Variants in N4BP2 observed in about 807,000 individuals in gnomAD.
N4BP2 encodes NEDD4 binding protein 2.
A neutral mutation model predicts 152.8 loss-of-function variants in N4BP2; 91 were observed. That is an observed-to-expected ratio of 0.60 (90% CI 0.50 to 0.71). The LOEUF (loss-of-function observed/expected upper bound fraction) is 0.71. Among genes scored for constraint, N4BP2 ranks in the 30% least tolerant of loss-of-function variants. The pLI is 0.00. For missense variants in N4BP2, 1,923 were observed against 2,059.1 expected (o/e 0.93, Z 1.28); for synonymous variants, 646 against 705.3 (o/e 0.92, Z 1.33).
intron 16 of N4BP2, among the ~76,000 whole-genome samples, chr4:40,151,745 A>G (rs1721172506): frequency 6.6e-6 from 1 of 152,248 alleles, no homozygotes; most frequent in African/African-American, 2.4e-5. Context: ...ATTTTGAGCA[A>G]CATATTGCTT....
intron 5 of N4BP2, among the ~76,000 whole-genome samples, chr4:40,110,509 C>G (rs1716767389): frequency 6.6e-6 from 1 of 152,090 alleles, no homozygotes; most frequent in East Asian, 1.9e-4. Flanking sequence ...TGTGGAACAT[C>G]TTTTTGTGTG....
At chr4:40,136,343 A>AATCTATCT (rs56276709) in intron 13 of N4BP2, among the ~76,000 whole-genome samples, 8,844 of 136,668 alleles carry the variant, frequency 0.065, 331 homozygotes, top group Admixed American at 0.072. Flanking sequence ...TTAGAAATTG[A>AATCTATCT]ATCTATCTAT....
the N4BP2 span, among the ~76,000 whole-genome samples, chr4:40,188,673 A>T: frequency 1.5e-5 from 2 of 137,280 alleles, no homozygotes; most frequent in African/African-American, 5.5e-5. Flanking sequence ...TGAGCCTGGG[A>T]GGCGCAGGTT....
intron 7 of N4BP2, among the ~76,000 whole-genome samples, chr4:40,116,547 C>T (rs559152265): frequency 4.9e-4 from 74 of 152,286 alleles, no homozygotes; most frequent in Non-Finnish European, 8.1e-4. Context: ...TTCCTCCTCA[C>T]GCATACGAAG....
chr4:40,114,472 T>C (rs1717178531), intron 7 of N4BP2, among the ~76,000 whole-genome samples: 1 of 152,230 alleles, frequency 6.6e-6, no homozygotes, highest in Non-Finnish European at 1.5e-5. Context: ...AAATGGAACA[T>C]ACAATATGTG....
chr4:40,186,736 T>C, the N4BP2 span, among the ~76,000 whole-genome samples: 2 of 152,250 alleles, frequency 1.3e-5, no homozygotes, highest in Non-Finnish European at 2.9e-5. Context: ...TGATATTGTC[T>C]GCTTCCTAGG....
At chr4:40,152,468 T>A (rs909421009) in intron 16 of N4BP2, among the ~76,000 whole-genome samples, 8 of 152,226 alleles carry the variant, frequency 5.3e-5, no homozygotes, top group Admixed American at 1.3e-4. Flanking sequence ...ATGGTATTAT[T>A]GCCATTATCA....
chr4:40,136,885 T>C (rs1317392948), intron 13 of N4BP2, 59 bp from the exon 14 acceptor site: 2 of 1,271,954 alleles, frequency 1.6e-6, no homozygotes, highest in Non-Finnish European at 2.2e-6. Context: ...CTTGTGTTAA[T>C]GTCCCACACA....
chr4:40,065,719 A>G (rs1175693769), intron 1 of N4BP2, among the ~76,000 whole-genome samples: 1 of 152,186 alleles, frequency 6.6e-6, no homozygotes, highest in Non-Finnish European at 1.5e-5. Context: ...CAGAGAAAAT[A>G]AAATTTTTAG....
chr4:40,097,821 C>G (rs1429553014), intron 3 of N4BP2, among the ~76,000 whole-genome samples: 1 of 152,210 alleles, frequency 6.6e-6, no homozygotes, highest in Non-Finnish European at 1.5e-5. Flanking sequence ...CATATTCTGT[C>G]TCTTTCATCT....
At chr4:40,140,041 C>G (rs1719773708) in intron 14 of N4BP2, among the ~76,000 whole-genome samples, 2 of 151,900 alleles carry the variant, frequency 1.3e-5, no homozygotes, top group Admixed American at 1.3e-4. Flanking sequence ...AGTGATCCAC[C>G]TTGGCCTCCC....
At chr4:40,142,575 A>G in intron 14 of N4BP2, 98 bp from the exon 15 acceptor site, 1 of 741,678 alleles carries the variant, frequency 1.3e-6, no homozygotes, top group Non-Finnish European at 2.2e-6. Flanking sequence ...ATGAAAATAT[A>G]CGACAGCCCA....
At chr4:40,077,050 G>C (rs1176651727) in intron 2 of N4BP2, among the ~76,000 whole-genome samples, 3 of 151,650 alleles carry the variant, frequency 2.0e-5, no homozygotes, top group Admixed American at 1.3e-4. Flanking sequence ...CTTTTTTGAT[G>C]GTCTTAAGGA....
At chr4:40,176,309 TATAATA>T in the N4BP2 span, among the ~76,000 whole-genome samples, 3 of 152,176 alleles carry the variant, frequency 2.0e-5, no homozygotes, top group Non-Finnish European at 4.4e-5. Flanking sequence ...GTTACAAACA[TATAATA>T]ATAACATAAT....
At chr4:40,100,786 A>G (rs1715574261) in intron 3 of N4BP2, among the ~76,000 whole-genome samples, 1 of 152,178 alleles carries the variant, frequency 6.6e-6, no homozygotes, top group Non-Finnish European at 1.5e-5. Flanking sequence ...GGTCAAGTTA[A>G]TGTACTTTTT....
chr4:40,182,157 G>A, the N4BP2 span, among the ~76,000 whole-genome samples: 2 of 152,188 alleles, frequency 1.3e-5, no homozygotes, highest in African/African-American at 4.8e-5. Context: ...GATTTTGGGG[G>A]ATAGTCAGCA....
intron 2 of N4BP2, among the ~76,000 whole-genome samples, chr4:40,074,035 G>A (rs1164852684): frequency 5.3e-5 from 8 of 151,596 alleles, no homozygotes; most frequent in South Asian, 2.1e-4. Flanking sequence ...CAGGTGATCC[G>A]CCCGCCTCAG....
At chr4:40,071,304 T>C (rs999796657) in intron 1 of N4BP2, among the ~76,000 whole-genome samples, 3 of 152,204 alleles carry the variant, frequency 2.0e-5, no homozygotes, top group African/African-American at 7.2e-5. Context: ...ATTTATTTCC[T>C]GTAAACTGGG....
rs536775531 is a variant in N4BP2, at chr4:40,097,462, G to A, written c.122G>A (p.Gly41Asp). 5 of 1,614,066 alleles carry A rather than the reference G, an allele frequency of 3.1e-6. No homozygotes were observed. In the African/African-American group the frequency reaches 6.7e-5, roughly 22 times the overall value. ...EEPTTTLPSMGETKVDQEELF... is the reference protein window; with the variant it reads ...EEPTTTLPSMDETKVDQEELF... Reference sequence around the variant, plus strand: ...CCAACCACTACTCTACCTTCCATGGGTGAGACAAAAGTTGATCAGGAAGAA... The same window carrying A: ...CCAACCACTACTCTACCTTCCATGGATGAGACAAAAGTTGATCAGGAAGAA... The change falls in exon 3 of 18, where the codon GGT (glycine) becomes GAT (aspartate). Residue 41 changes from glycine (G) to aspartate (D), a missense_variant. Gly to Asp is a moderately conservative substitution (Grantham distance 94, BLOSUM62 -1). Coordinates refer to ENST00000261435, the MANE Select transcript of N4BP2 (RefSeq NM_018177.6).
Sources: allele counts gnomAD v4.1 joint callset (sites outside exome capture counted in the v4.1 genomes callset), GRCh38; gene constraint gnomAD v4.1.1; transcripts MANE v1.5; gene names NCBI Gene and HGNC (gene_info 2026-07-23, HGNC 2026-07-21).